PDE4B: variants seen among roughly 807,000 people sequenced by gnomAD.
PDE4B encodes the protein 3',5'-cyclic-AMP phosphodiesterase 4B.
Under a neutral mutation model 82.2 loss-of-function variants are expected in PDE4B, and 20 were observed. The observed-to-expected ratio is 0.24, with a 90% CI of 0.17 to 0.35. PDE4B has a LOEUF of 0.35. Ranked by LOEUF, PDE4B falls within the 10% of genes least tolerant of loss-of-function variation. The pLI, the probability that PDE4B is intolerant of heterozygous loss-of-function variation, is 1.00. For missense variants in PDE4B, 655 were observed against 907.2 expected (o/e 0.72, Z 3.57); for synonymous variants, 320 against 318.9 (o/e 1.00, Z -0.04).
At chr1:66,059,889 A>T (rs1222175605) in intron 3 of PDE4B, among the ~76,000 whole-genome samples, 2 of 152,214 alleles carry the variant, frequency 1.3e-5, no homozygotes, top group Non-Finnish European at 2.9e-5. Context: ...TACCTCTTAC[A>T]ATGGAACCCC....
rs181338923 is a variant in PDE4B at position 66,172,709 on chromosome 1, G to C, written c.282-74751G>C. ...CATTTTTCTGATGATTAGTGATGTT[G>C]AGAAATTTTTAAAAGAATTAATTTA... is the stretch of plus-strand genomic sequence containing the variant. On this transcript the variant is annotated intron_variant, in intron 3 of 16. Transcript: ENST00000341517. 5.6e-4 allele frequency among the ~76,000 whole-genome samples: 85 copies of C among 152,222 alleles called. 1 individual carries two copies. The highest frequency in any genetic ancestry group is 6.8e-3 in the Middle Eastern group (2 of 294).
chr1:65,986,428 G>T (rs1221763612), intron 3 of PDE4B, among the ~76,000 whole-genome samples: 1 of 152,178 alleles, frequency 6.6e-6, no homozygotes, highest in Non-Finnish European at 1.5e-5. Flanking sequence ...GATGAGACAT[G>T]ACATGCTTGA....
intron 3 of PDE4B, among the ~76,000 whole-genome samples, chr1:66,169,661 T>TTTTTGTCTAC: frequency 1.3e-5 from 2 of 152,154 alleles, no homozygotes; most frequent in Non-Finnish European, 2.9e-5. Context: ...GAGAATTGTA[T>TTTTTGTCTAC]TTGATTAATC....
chr1:65,885,585 A>G (rs1012539925), intron 1 of PDE4B, among the ~76,000 whole-genome samples: 33 of 152,042 alleles, frequency 2.2e-4, no homozygotes, highest in Non-Finnish European at 4.6e-4. Flanking sequence ...GCCGGAAACG[A>G]TCATTCTCAG....
chr1:66,064,459 A>G (rs1196618072), intron 3 of PDE4B, among the ~76,000 whole-genome samples: 1 of 151,996 alleles, frequency 6.6e-6, no homozygotes, highest in Non-Finnish European at 1.5e-5. Context: ...AGAAAAGGAA[A>G]AAAAGGAGGC....
chr1:66,132,355 T>C (rs1045799256), intron 3 of PDE4B, among the ~76,000 whole-genome samples: 4 of 152,172 alleles, frequency 2.6e-5, no homozygotes, highest in Non-Finnish European at 4.4e-5. Flanking sequence ...ATCTTCTGAA[T>C]TTTAGGTTTC....
At chr1:66,106,779 G>C (rs1645369065) in intron 3 of PDE4B, among the ~76,000 whole-genome samples, 1 of 145,098 alleles carries the variant, frequency 6.9e-6, no homozygotes. Flanking sequence ...GGGATCGGTG[G>C]TGATATCCCC....
At chr1:66,227,112 C>A (rs1233966027) in intron 3 of PDE4B, among the ~76,000 whole-genome samples, 1 of 152,222 alleles carries the variant, frequency 6.6e-6, no homozygotes, top group African/African-American at 2.4e-5. Context: ...GAATGAGCAA[C>A]AGACTTAGTT....
chr1:65,907,091 C>G (rs1376298897), intron 1 of PDE4B, among the ~76,000 whole-genome samples: 1 of 152,110 alleles, frequency 6.6e-6, no homozygotes, highest in Admixed American at 6.6e-5. Flanking sequence ...ATTACATATA[C>G]TTTTTTCCCC....
intron 3 of PDE4B, among the ~76,000 whole-genome samples, chr1:66,061,765 G>C (rs1442715211): frequency 6.6e-6 from 1 of 152,074 alleles, no homozygotes; most frequent in Admixed American, 6.6e-5. Flanking sequence ...AGTGGGTGGA[G>C]AGCAAGGGGA....
At chr1:66,231,385 CTG>C (rs1651935677) in intron 3 of PDE4B, among the ~76,000 whole-genome samples, 1 of 152,136 alleles carries the variant, frequency 6.6e-6, no homozygotes. Context: ...TTTGATTCAA[CTG>C]AGTAATTTAC....
rs528829093 is a variant in PDE4B, at chr1:66,175,617, G to A, written c.282-71843G>A. 3.9e-5 allele frequency among the ~76,000 whole-genome samples: 6 copies of A among 152,176 alleles called. No individual in the cohort carries two copies. The East Asian group carries it at 7.7e-4, about 20-fold the overall frequency. On this transcript the variant is annotated intron_variant, in intron 3 of 16. Coordinates refer to ENST00000341517, the MANE Select transcript of PDE4B (RefSeq NM_002600.4). ...AAAAAAGTATTCTTTTTTGGGCACC[G>A]TGGACATTTTTCTTCTCTTGAGATG...
At chr1:65,839,846 C>T (rs1008167485) in intron 1 of PDE4B, among the ~76,000 whole-genome samples, 4 of 152,150 alleles carry the variant, frequency 2.6e-5, no homozygotes, top group Non-Finnish European at 5.9e-5. Context: ...GGAATCACCA[C>T]ACTGTCTTCC....
chr1:66,237,902 A>G (rs886589305), intron 3 of PDE4B, among the ~76,000 whole-genome samples: 26 of 152,340 alleles, frequency 1.7e-4, no homozygotes, highest in African/African-American at 5.8e-4. Context: ...TATACCGTTA[A>G]GTGCAACAGA....
At chr1:65,855,749 G>A (rs750011566) in intron 1 of PDE4B, among the ~76,000 whole-genome samples, 3 of 152,008 alleles carry the variant, frequency 2.0e-5, no homozygotes, top group Non-Finnish European at 2.9e-5. Flanking sequence ...CCAGCCTCTG[G>A]AGTCTGCTTG....
chr1:66,093,345 G>A (rs1282413239), intron 3 of PDE4B, among the ~76,000 whole-genome samples: 1 of 151,988 alleles, frequency 6.6e-6, no homozygotes, highest in Non-Finnish European at 1.5e-5. Context: ...ATGATGAGGT[G>A]GGTATTGCTT....
Position 65,866,343 on chromosome 1 carries a change from T to C in PDE4B, c.-70-46902T>C, listed in dbSNP as rs78033557. On this transcript the variant is annotated intron_variant, in intron 1 of 16. Coordinates refer to ENST00000341517, the MANE Select transcript of PDE4B (RefSeq NM_002600.4). ...TCTTTTAATATGCATCCATATAACATGTAAGTAGGAGAAAATTTGAGGCAG... is the reference window on the plus strand; with the variant it reads ...TCTTTTAATATGCATCCATATAACACGTAAGTAGGAGAAAATTTGAGGCAG... Among the ~76,000 whole-genome samples the C allele has an allele frequency of 3.2e-3, 481 of 152,222 alleles. 16 individuals are homozygous for C. In the East Asian group the frequency reaches 0.081, roughly 26 times the overall value.
intron 3 of PDE4B, among the ~76,000 whole-genome samples, chr1:66,078,132 A>G (rs192597482): frequency 7.2e-5 from 11 of 152,098 alleles, no homozygotes; most frequent in African/African-American, 2.4e-4. Flanking sequence ...TTAAGGTTGC[A>G]TGGCTAGTAA....
intron 8 of PDE4B, among the ~76,000 whole-genome samples, chr1:66,337,009 TTAAC>T: frequency 6.6e-6 from 1 of 152,264 alleles, no homozygotes; most frequent in Admixed American, 6.5e-5. Context: ...CATTTTGTAT[TTAAC>T]TAAATAATCA....
Sources: gnomAD v4.1 joint callset for allele counts (sites outside exome capture counted in the v4.1 genomes callset) on GRCh38, gnomAD v4.1.1 for gene constraint, MANE v1.5 for transcripts, NCBI Gene and HGNC (gene_info 2026-07-23, HGNC 2026-07-21) for gene names.